The following LEKR1 variants were observed in gnomAD, a reference collection of about 807,000 sequenced individuals.
LEKR1 encodes the protein protein LEKR1.
Under a neutral mutation model 72.4 loss-of-function variants are expected in LEKR1, and 59 were observed. The observed-to-expected ratio is 0.82, with a 90% CI of 0.66 to 1.01. The LOEUF is 1.01. Among genes scored for constraint, LEKR1 ranks in the 50% least tolerant of loss-of-function variants. LEKR1 has a pLI of 0.00. For synonymous variants in LEKR1, 257 were observed against 263.2 expected (o/e 0.98, Z 0.23); for missense variants, 728 against 759.2 (o/e 0.96, Z 0.48).
At chr3:156,930,690 T>C (rs1186621447) in intron 5 of LEKR1, among the ~76,000 whole-genome samples, 1 of 152,220 alleles carries the variant, frequency 6.6e-6, no homozygotes. Flanking sequence ...TATACAGTAA[T>C]CAAATCAGTA....
At chr3:156,866,497 T>C (rs1293665675) in intron 3 of LEKR1, among the ~76,000 whole-genome samples, 3 of 152,074 alleles carry the variant, frequency 2.0e-5, no homozygotes, top group East Asian at 3.8e-4. Flanking sequence ...GTTGATGATA[T>C]CTTGGTGTCC....
At chr3:156,934,556 G>T (rs968589525) in intron 5 of LEKR1, among the ~76,000 whole-genome samples, 5 of 152,112 alleles carry the variant, frequency 3.3e-5, no homozygotes, top group Admixed American at 2.6e-4. Context: ...TTAAAATTCA[G>T]TTTGGAAGTT....
intron 5 of LEKR1, among the ~76,000 whole-genome samples, chr3:156,936,499 A>C (rs2108578936): frequency 6.6e-6 from 1 of 151,620 alleles, no homozygotes; most frequent in Non-Finnish European, 1.5e-5. Context: ...AGGAAGCAAG[A>C]TATGTTAGCT....
At chr3:156,941,263 C>A (rs1048456843) in intron 5 of LEKR1, among the ~76,000 whole-genome samples, 2 of 152,092 alleles carry the variant, frequency 1.3e-5, no homozygotes, top group Non-Finnish European at 2.9e-5. Flanking sequence ...AAGTGCCAGA[C>A]CCCTTGTGCT....
At chr3:157,009,837 C>G (rs1732747344) in intron 9 of LEKR1, among the ~76,000 whole-genome samples, 1 of 152,012 alleles carries the variant, frequency 6.6e-6, no homozygotes, top group African/African-American at 2.4e-5. Flanking sequence ...TTAATAGGCA[C>G]TTGTAAGTTT....
At chr3:156,994,639 A>C (rs557336626) in intron 9 of LEKR1, among the ~76,000 whole-genome samples, 1 of 152,226 alleles carries the variant, frequency 6.6e-6, no homozygotes, top group Non-Finnish European at 1.5e-5. Flanking sequence ...TGAAAGATTC[A>C]GCATGTGTAA....
chr3:157,023,560 G>A (rs903968341), intron 10 of LEKR1, among the ~76,000 whole-genome samples: 3 of 152,160 alleles, frequency 2.0e-5, no homozygotes, highest in African/African-American at 7.2e-5. Flanking sequence ...TCCACTGACT[G>A]TTAAATTCCT....
chr3:156,835,373 G>A (rs184080678), intron 2 of LEKR1, among the ~76,000 whole-genome samples: 13 of 152,300 alleles, frequency 8.5e-5, no homozygotes, highest in Admixed American at 6.5e-5. Context: ...AAGGAACAGG[G>A]CCAAGAAAGC....
chr3:156,923,304 C>T (rs547588683), intron 4 of LEKR1, among the ~76,000 whole-genome samples: 6 of 152,276 alleles, frequency 3.9e-5, no homozygotes, highest in African/African-American at 1.4e-4. Flanking sequence ...CCAGAAAAGA[C>T]CCTCCAGACC....
chr3:157,010,113 CTAAT>C (rs568999646), intron 9 of LEKR1, among the ~76,000 whole-genome samples: 1 of 151,802 alleles, frequency 6.6e-6, no homozygotes, highest in Non-Finnish European at 1.5e-5. Flanking sequence ...TTTTTTATTC[CTAAT>C]TAGTCTACCT....
intron 6 of LEKR1, among the ~76,000 whole-genome samples, chr3:156,971,684 A>T (rs1421967624): frequency 1.3e-5 from 2 of 152,124 alleles, no homozygotes; most frequent in African/African-American, 4.8e-5. Flanking sequence ...GGCGAAGGAT[A>T]TGAACAGACA....
chr3:156,882,715 C>G (rs200598807), intron 3 of LEKR1, among the ~76,000 whole-genome samples: 1 of 152,064 alleles, frequency 6.6e-6, no homozygotes, highest in Admixed American at 6.5e-5. Flanking sequence ...ATTTTTATTG[C>G]GGCATTATTC....
chr3:157,007,190 G>C (rs1732521304), intron 9 of LEKR1, among the ~76,000 whole-genome samples: 1 of 152,050 alleles, frequency 6.6e-6, no homozygotes, highest in Non-Finnish European at 1.5e-5. Context: ...CACAGAGCGA[G>C]ACTCTGTCTC....
Position 157,024,785 on chromosome 3 carries a change from G to C in LEKR1, c.1229G>C (p.Arg410Thr). 5 of 1,607,886 alleles carry C rather than the reference G, an allele frequency of 3.1e-6. No homozygotes were observed. Among genetic ancestry groups the C allele is most frequent in the Non-Finnish European group, 4.2e-6 (5 of 1,178,472 alleles). Residue 410 changes from arginine (R) to threonine (T), a missense_variant, in exon 11 of 13, where the codon AGG becomes ACG. By Grantham distance (71) the Arg-to-Thr change is moderately conservative (BLOSUM62 -1). Transcript: ENST00000356539. ...ATTGAAGCAGAACTTGCCAAGGAAA[G>C]GGCCCAACACTTGGTTGAATTTGAA... ...EKIEAELAKE[R>T]AQHLVEFEEQ...
At chr3:156,921,504 A>G (rs904802035) in intron 4 of LEKR1, among the ~76,000 whole-genome samples, 3 of 152,174 alleles carry the variant, frequency 2.0e-5, no homozygotes, top group Non-Finnish European at 4.4e-5. Flanking sequence ...CACATAACTG[A>G]TGCTCAATAC....
At chr3:157,010,952 T>C (rs951349499) in intron 9 of LEKR1, among the ~76,000 whole-genome samples, 1 of 152,136 alleles carries the variant, frequency 6.6e-6, no homozygotes, top group Non-Finnish European at 1.5e-5. Flanking sequence ...AAAAGAAAAT[T>C]TCACAGGAAC....
chr3:156,996,802 T>C (rs1731606909), intron 9 of LEKR1, among the ~76,000 whole-genome samples: 1 of 152,172 alleles, frequency 6.6e-6, no homozygotes, highest in South Asian at 2.1e-4. Flanking sequence ...TGGTGGTTCA[T>C]GCCTGTGATT....
chr3:157,009,793 T>C (rs1732743130), intron 9 of LEKR1, among the ~76,000 whole-genome samples: 1 of 152,130 alleles, frequency 6.6e-6, no homozygotes, highest in African/African-American at 2.4e-5. Flanking sequence ...TGTACACTTA[T>C]ATCAAGTTTT....
intron 4 of LEKR1, among the ~76,000 whole-genome samples, chr3:156,921,765 A>G (rs577021372): frequency 2.0e-5 from 3 of 152,264 alleles, no homozygotes; most frequent in Admixed American, 6.5e-5. Flanking sequence ...CATGGATGGT[A>G]AGATTTACCT....
Sources: allele counts gnomAD v4.1 joint callset (sites outside exome capture counted in the v4.1 genomes callset), GRCh38; gene constraint gnomAD v4.1.1; transcripts MANE v1.5; gene names NCBI Gene and HGNC (gene_info 2026-07-23, HGNC 2026-07-21).